NUP210: variants seen among roughly 807,000 people sequenced by gnomAD.
NUP210 encodes nucleoporin 210, also known as nuclear pore membrane glycoprotein 210.
NUP210 carries 151 observed loss-of-function variants against 196.0 expected under a neutral mutation model. The observed-to-expected ratio is 0.77, with a 90% confidence interval of 0.67 to 0.88. The LOEUF (loss-of-function observed/expected upper bound fraction) is 0.88. NUP210 is among the 40% of genes least tolerant of loss of function. The pLI, the probability that NUP210 is intolerant of heterozygous loss-of-function variation, is 0.00. For synonymous variants in NUP210, 1,070 were observed against 1,052.7 expected (o/e 1.02, Z -0.32); for missense variants, 2,314 against 2,493.7 (o/e 0.93, Z 1.53).
intron 6 of NUP210, among the ~76,000 whole-genome samples, chr3:13,380,262 C>T (rs977681584): frequency 1.3e-5 from 2 of 152,128 alleles, no homozygotes; most frequent in Non-Finnish European, 2.9e-5. Flanking sequence ...AGAGTTTCCC[C>T]GAGAAGTAAG....
At chr3:13,407,005 A>C (rs938614026) in intron 1 of NUP210, among the ~76,000 whole-genome samples, 1 of 152,168 alleles carries the variant, frequency 6.6e-6, no homozygotes, top group African/African-American at 2.4e-5. Context: ...GGAGGTCGTA[A>C]GACAGACAGG....
chr3:13,342,184 G>C, intron 21 of NUP210, 61 bp from the exon 22 acceptor site: 1 of 1,596,014 alleles, frequency 6.3e-7, no homozygotes, highest in South Asian at 1.1e-5. Flanking sequence ...ACCATCTATG[G>C]TGCTCCGTGA....
At chr3:13,362,593 CTT>C (rs1468593008) in intron 14 of NUP210, among the ~76,000 whole-genome samples, 1 of 152,192 alleles carries the variant, frequency 6.6e-6, no homozygotes, top group African/African-American at 2.4e-5. Context: ...GTCCTTTTGA[CTT>C]TGTTTTTGAA....
chr3:13,378,178 C>T (rs1453593171), intron 8 of NUP210, among the ~76,000 whole-genome samples: 6 of 152,260 alleles, frequency 3.9e-5, no homozygotes, highest in East Asian at 1.9e-4. Context: ...TCTGAACCCT[C>T]GGCAGGTCTA....
rs374423717 is a variant in NUP210, at chr3:13,327,336, T to C, written c.4388A>G (p.His1463Arg). 39 of 1,612,996 alleles carry C rather than the reference T, an allele frequency of 2.4e-5. No individual in the cohort carries two copies. The highest frequency in any genetic ancestry group is 3.1e-5 in the Non-Finnish European group (36 of 1,179,972). ...LTLLRVWDAE[H>R]PGLSDFMPLP... ...GGGCATGAAGTCCGAGAGGCCCGGGTGCTCTGCGTCCCACACACGGAGCAG... is the reference window on the plus strand; with the variant it reads ...GGGCATGAAGTCCGAGAGGCCCGGGCGCTCTGCGTCCCACACACGGAGCAG... Residue 1463 changes from histidine to arginine, a missense_variant, in exon 32 of 40, where the codon CAC (histidine) becomes CGC (arginine). Transcript: ENST00000254508.
Position 13,332,284 on chromosome 3 carries a change from G to A in NUP210, c.3935+9C>T. On this transcript the variant is annotated intron_variant, in intron 29 of 39. Coordinates refer to ENST00000254508, the MANE Select transcript of NUP210 (RefSeq NM_024923.4). Reference sequence around the variant, plus strand: ...CAACTTTGCTGGAAACAAGAGCTGAGTCACGTACCTGTTTGTCTGCAGCTT... The same window carrying A: ...CAACTTTGCTGGAAACAAGAGCTGAATCACGTACCTGTTTGTCTGCAGCTT... 6.2e-7 allele frequency: 1 copy of A among 1,609,200 alleles called. No individual in the cohort carries two copies. The highest frequency in any genetic ancestry group is 2.2e-5 in the East Asian group (1 of 44,822).
At chr3:13,393,611 A>T (rs1699559802) in intron 3 of NUP210, among the ~76,000 whole-genome samples, 1 of 152,212 alleles carries the variant, frequency 6.6e-6, no homozygotes, top group Non-Finnish European at 1.5e-5. Flanking sequence ...TGCTGGCAAC[A>T]TGGCCAGACC....
Position 13,358,403 on chromosome 3 carries a change from G to A in NUP210, c.2155-8C>T. 1 of 1,602,740 alleles carries A rather than the reference G, an allele frequency of 6.2e-7. No homozygotes were observed. The highest frequency in any genetic ancestry group is 8.5e-7 in the Non-Finnish European group (1 of 1,172,464). ...CACCGACAGGGCGATGACCTGGTAG[G>A]GCACAGTGAACAGTCAGACCCCCAA... On this transcript the variant is annotated splice_region_variant and splice_polypyrimidine_tract_variant and intron_variant, in intron 15 of 39. Transcript: ENST00000254508.
In NUP210 at chr3:13,350,472, CAAAACAA is replaced by C. The variant is rs1697930173; in HGVS notation, c.2835+1400_2835+1406del. Among the ~76,000 whole-genome samples, 1 of 78,730 alleles carries C rather than the reference CAAAACAA, an allele frequency of 1.3e-5. No individual in the cohort carries two copies. Among genetic ancestry groups the C allele is most frequent in the African/African-American group, 4.2e-5 (1 of 23,970 alleles). 51.6% of individuals were successfully genotyped at this position (78,730 alleles called of 152,430 possible). On this transcript the variant is annotated intron_variant, in intron 20 of 39. Transcript: ENST00000254508. This position sits in a 1 kb window ranked among gnomAD's most constrained non-coding sequence, Gnocchi z 4.1. ...CAAAACAAAACAAAACAAAACAAAA[CAAAACAA>C]AAAACAAAACAAAACAGGAAAACAT...
chr3:13,385,156 C>G (rs962702974), intron 6 of NUP210, among the ~76,000 whole-genome samples: 6 of 152,232 alleles, frequency 3.9e-5, no homozygotes, highest in African/African-American at 1.4e-4. Context: ...GAATGACCAA[C>G]CAGGTGACTG....
Position 13,339,984 on chromosome 3 carries a change from A to T in NUP210, c.3341T>A (p.Ile1114Asn). The change falls in exon 25 of 40, where the codon ATC (isoleucine) becomes AAC (asparagine). Residue 1114 changes from isoleucine (I) to asparagine (N), a missense_variant. Transcript: ENST00000254508. ...CACCAGCGCAACGCTCTCATTGCTGATGGAGAAAAGGATGTTGGACTGAGG... is the reference window on the plus strand; with the variant it reads ...CACCAGCGCAACGCTCTCATTGCTGTTGGAGAAAAGGATGTTGGACTGAGG... ...PQPQSNILFS[I>N]SNESVALVSA... 1 of 1,614,032 alleles carries T rather than the reference A, an allele frequency of 6.2e-7. No homozygotes were observed. Among genetic ancestry groups the T allele is most frequent in the South Asian group, 1.1e-5 (1 of 91,088 alleles).
chr3:13,382,427 G>A (rs948222297), intron 6 of NUP210, among the ~76,000 whole-genome samples: 11 of 152,226 alleles, frequency 7.2e-5, no homozygotes, highest in African/African-American at 2.7e-4. Context: ...CTGCTAGGCT[G>A]TGAGCTCCAG....
intron 29 of NUP210, 96 bp from the exon 30 acceptor site, chr3:13,330,730 T>C (rs377071150): frequency 2.0e-5 from 25 of 1,244,170 alleles, no homozygotes; most frequent in Non-Finnish European, 2.7e-5. Context: ...TGGCTCCTCA[T>C]GCTCCTGGGA....
rs970138629 is a variant in NUP210 at position 13,348,130 on chromosome 3, G to A, written c.2835+3749C>T. 6.6e-6 allele frequency among the ~76,000 whole-genome samples: 1 copy of A among 152,236 alleles called. No homozygotes were observed. The highest frequency in any genetic ancestry group is 1.5e-5 in the Non-Finnish European group (1 of 68,040). On this transcript the variant is annotated intron_variant, in intron 20 of 39. Coordinates refer to ENST00000254508, the MANE Select transcript of NUP210 (RefSeq NM_024923.4). The surrounding 1 kb of genome is among the most constrained non-coding windows in gnomAD (Gnocchi z 4.0). ...TGCCAGAGCTCCCCTGTGGCCACCT[G>A]TAAAACAGAACTGCAGAGGCACTCC... is the stretch of plus-strand genomic sequence containing the variant.
rs545907690 is a variant in NUP210 at position 13,349,921 on chromosome 3, C to A, written c.2835+1958G>T. ...TCCTGGGGTCAGAACAAACCTTAAA[C>A]ATCTTCTAGGGAAAGGGTCCCTTCA... On this transcript the variant is annotated intron_variant, in intron 20 of 39. Coordinates refer to ENST00000254508, the MANE Select transcript of NUP210 (RefSeq NM_024923.4). Among the ~76,000 whole-genome samples, 3 of 152,338 alleles carry A rather than the reference C, an allele frequency of 2.0e-5. No homozygotes were observed. In the South Asian group the frequency reaches 6.2e-4, roughly 32 times the overall value.
At chr3:13,330,195 C>T (rs765388675) in intron 30 of NUP210, among the ~76,000 whole-genome samples, 3 of 152,200 alleles carry the variant, frequency 2.0e-5, no homozygotes, top group Non-Finnish European at 4.4e-5. Context: ...AGCTCTGTAA[C>T]CTTACGCCAA....
At chr3:13,415,335 C>T (rs1180220032) in intron 1 of NUP210, among the ~76,000 whole-genome samples, 2 of 152,214 alleles carry the variant, frequency 1.3e-5, no homozygotes, top group Non-Finnish European at 2.9e-5. Flanking sequence ...GGTGCTCAGG[C>T]AGGACGGGTC....
rs979874647 is a variant in NUP210 at position 13,348,151 on chromosome 3, A to C, written c.2835+3728T>G. Reference sequence around the variant, plus strand: ...ACCTGTAAAACAGAACTGCAGAGGCACTCCTAGAATTGCAGCATTTTAGGA... The same window carrying C: ...ACCTGTAAAACAGAACTGCAGAGGCCCTCCTAGAATTGCAGCATTTTAGGA... On this transcript the variant is annotated intron_variant, in intron 20 of 39. Transcript: ENST00000254508. The surrounding 1 kb of genome is among the most constrained non-coding windows in gnomAD (Gnocchi z 4.0). The C allele has an allele frequency of 6.5e-6, 1 of 153,306 alleles. No individual in the cohort carries two copies. The highest frequency in any genetic ancestry group is 2.4e-5 in the African/African-American group (1 of 41,470). 9.5% of individuals were successfully genotyped at this position (153,306 alleles called of 1,614,324 possible). A position where few individuals can be genotyped will look rare whatever the true frequency, so the allele number is the denominator to read the frequency against.
chr3:13,358,629 G>A (rs1011324323), intron 15 of NUP210, among the ~76,000 whole-genome samples: 6 of 152,154 alleles, frequency 3.9e-5, no homozygotes, highest in African/African-American at 1.4e-4. Context: ...CCTATGGGCT[G>A]CTCCTATCCC....
Sources: gnomAD v4.1 joint callset for allele counts (sites outside exome capture counted in the v4.1 genomes callset) on GRCh38, gnomAD v4.1.1 for gene constraint, Gnocchi (gnomAD v3.1) non-coding constraint, MANE v1.5 for transcripts, NCBI Gene and HGNC (gene_info 2026-07-23, HGNC 2026-07-21) for gene names.